The following PPP4R3B variants were observed in gnomAD, a reference collection of about 807,000 sequenced individuals.
PPP4R3B encodes the protein serine/threonine-protein phosphatase 4 regulatory subunit 3B.
PPP4R3B carries 52 observed loss-of-function variants against 95.4 expected under a neutral mutation model. The ratio of observed to expected loss-of-function variants is 0.54; its 90% CI spans 0.44 to 0.69. PPP4R3B has a LOEUF of 0.69. Ranked by LOEUF, PPP4R3B falls within the 30% of genes least tolerant of loss-of-function variation. The pLI is 0.00. For synonymous variants in PPP4R3B, 407 were observed against 343.9 expected (o/e 1.18, Z -2.03); for missense variants, 1,003 against 1,005.9 (o/e 1.00, Z 0.04).
At chr2:55,568,416 T>C in intron 12 of PPP4R3B, 53 bp from the exon 13 acceptor site, 1 of 1,422,318 alleles carries the variant, frequency 7.0e-7, no homozygotes. Context: ...AAATCAATTA[T>C]TATACAGGTG....
At chr2:55,554,309 C>A (rs1214876681) in intron 16 of PPP4R3B, among the ~76,000 whole-genome samples, 1 of 152,212 alleles carries the variant, frequency 6.6e-6, no homozygotes, top group African/African-American at 2.4e-5. Flanking sequence ...CTGCCTCGGC[C>A]TCCCAAAATG....
chr2:55,568,104 T>G (rs903575969), intron 13 of PPP4R3B, 90 bp downstream of exon 13: 10 of 853,088 alleles, frequency 1.2e-5, no homozygotes, highest in Middle Eastern at 4.0e-4. Context: ...GAAAAGGGAA[T>G]GAAGTCACTT....
In PPP4R3B at chr2:55,601,787, T is replaced by C. The variant is rs72803581; in HGVS notation, c.297+2191A>G. Among the ~76,000 whole-genome samples the C allele has an allele frequency of 8.5e-3, 1,288 of 152,314 alleles. 13 individuals carry two copies. Among genetic ancestry groups the C allele is most frequent in the Non-Finnish European group, 0.013 (872 of 68,028 alleles). On this transcript the variant is annotated intron_variant, in intron 3 of 16. Transcript: ENST00000616407. ...ACCATAATGTGATATGGTATAACAC[T>C]AGTATTGTTGATCCAGCTATCTTAT...
At chr2:55,613,516 A>AG (rs765175584) in intron 2 of PPP4R3B, among the ~76,000 whole-genome samples, 63 of 152,176 alleles carry the variant, frequency 4.1e-4, no homozygotes, top group Non-Finnish European at 7.5e-4. Flanking sequence ...CTAATTATCT[A>AG]GAACTAATTT....
chr2:55,607,827 G>A (rs1023439751), intron 2 of PPP4R3B, among the ~76,000 whole-genome samples: 2 of 152,112 alleles, frequency 1.3e-5, no homozygotes, highest in Middle Eastern at 3.2e-3. Flanking sequence ...ACTATCTACA[G>A]TCAGGTCAAT....
intron 1 of PPP4R3B, among the ~76,000 whole-genome samples, chr2:55,615,850 C>CT (rs1239655306): frequency 2.1e-5 from 2 of 93,734 alleles, no homozygotes; most frequent in Non-Finnish European, 3.5e-5. Context: ...GAGCAAGACT[C>CT]TGTCTCCAAA....
chr2:55,600,426 CAAAAAAAAAAAAAAAAAA>C (rs60764774), intron 3 of PPP4R3B, among the ~76,000 whole-genome samples: 5 of 22,172 alleles, frequency 2.3e-4, no homozygotes, highest in African/African-American at 8.1e-4. Flanking sequence ...AACTCTGTCT[CAAAAAAAAAAAAAAAAAA>C]AAAAAAAAAA....
At chr2:55,565,393 T>C (rs1210974234) in intron 13 of PPP4R3B, among the ~76,000 whole-genome samples, 2 of 151,912 alleles carry the variant, frequency 1.3e-5, no homozygotes, top group East Asian at 3.9e-4. Flanking sequence ...AACAATTCTA[T>C]GAGATAGGTT....
At chr2:55,589,564 TAA>T (rs1690667898) in intron 4 of PPP4R3B, among the ~76,000 whole-genome samples, 1 of 152,122 alleles carries the variant, frequency 6.6e-6, no homozygotes, top group African/African-American at 2.4e-5. Flanking sequence ...TCTGGGGTAT[TAA>T]AAAGAAAGAC....
chr2:55,591,343 T>G (rs1285484910), intron 4 of PPP4R3B, among the ~76,000 whole-genome samples: 1 of 151,432 alleles, frequency 6.6e-6, no homozygotes, highest in East Asian at 1.9e-4. Flanking sequence ...GGGTTTCACT[T>G]TGTTGCCCAG....
intron 16 of PPP4R3B, among the ~76,000 whole-genome samples, chr2:55,555,292 A>G (rs1035170222): frequency 9.3e-5 from 14 of 150,954 alleles, no homozygotes; most frequent in African/African-American, 3.4e-4. Context: ...AAAAAAAAAA[A>G]AAAAAGAAAG....
At chr2:55,577,047 A>G (rs1019796116) in intron 11 of PPP4R3B, among the ~76,000 whole-genome samples, 3 of 152,250 alleles carry the variant, frequency 2.0e-5, no homozygotes, top group Non-Finnish European at 2.9e-5. Context: ...CATTTCAAAA[A>G]TAAGAACTAA....
At chr2:55,589,220 G>C (rs1690612895) in intron 4 of PPP4R3B, among the ~76,000 whole-genome samples, 1 of 152,148 alleles carries the variant, frequency 6.6e-6, no homozygotes, top group African/African-American at 2.4e-5. Context: ...TTGTTCTAGA[G>C]GTGTTACGTG....
chr2:55,592,814 T>C (rs573714273), intron 4 of PPP4R3B, among the ~76,000 whole-genome samples: 2 of 152,204 alleles, frequency 1.3e-5, no homozygotes, highest in African/African-American at 4.8e-5. Context: ...CTGAAAAGGA[T>C]CTTATTCTAT....
chr2:55,554,868 CTT>C (rs1051947550), intron 16 of PPP4R3B, among the ~76,000 whole-genome samples: 19 of 152,232 alleles, frequency 1.2e-4, no homozygotes, highest in African/African-American at 4.6e-4. Flanking sequence ...GAGTTTTAGA[CTT>C]TTAACTTTTA....
chr2:55,557,589 C>T (rs546975887), intron 16 of PPP4R3B, among the ~76,000 whole-genome samples: 3 of 152,044 alleles, frequency 2.0e-5, no homozygotes, highest in Admixed American at 6.6e-5. Context: ...TTTCAAATAC[C>T]GAATACCATG....
chr2:55,581,546 T>C (rs770366464), intron 8 of PPP4R3B, 21 bp downstream of exon 8: 18 of 1,601,074 alleles, frequency 1.1e-5, no homozygotes, highest in Non-Finnish European at 1.5e-5. Context: ...AAAACATTTT[T>C]ATCTCAGAGT....
rs550129436 is a variant in PPP4R3B, at chr2:55,567,006, C to CAAACA, written c.1935+1183_1935+1187dup. ...TGGGCAACAGCATGAGACCTTGTCT[C>CAAACA]AAACAAAACAAAACAAAAAATAAAA... On this transcript the variant is annotated intron_variant, in intron 13 of 16. Coordinates refer to ENST00000616407, the MANE Select transcript of PPP4R3B (RefSeq NM_001122964.3). Among the ~76,000 whole-genome samples, 10 of 152,310 alleles carry CAAACA rather than the reference C, an allele frequency of 6.6e-5. No homozygotes were observed. The South Asian group carries it at 1.9e-3, about 28-fold the overall frequency.
At chr2:55,578,506 A>G (rs1688998272) in intron 9 of PPP4R3B, among the ~76,000 whole-genome samples, 164 bp from the exon 10 acceptor site, 2 of 152,112 alleles carry the variant, frequency 1.3e-5, no homozygotes, top group African/African-American at 4.8e-5. Context: ...TTCTGCAAGA[A>G]AACCCTCTGC....
Sources: gnomAD v4.1 joint callset for allele counts (sites outside exome capture counted in the v4.1 genomes callset) on GRCh38, gnomAD v4.1.1 for gene constraint, MANE v1.5 for transcripts, NCBI Gene and HGNC (gene_info 2026-07-23, HGNC 2026-07-21) for gene names.